The following RBFOX2 variants were observed in gnomAD, a reference collection of about 807,000 sequenced individuals.
The protein encoded by RBFOX2 is RNA binding fox-1 homolog 2, also known as RNA binding protein fox-1 homolog 2.
Under a neutral mutation model 49.1 loss-of-function variants are expected in RBFOX2, and 10 were observed. The observed-to-expected ratio is 0.20, with a 90% CI of 0.13 to 0.35. The LOEUF is 0.35. RBFOX2 is among the 10% of genes least tolerant of loss of function. The probability of loss-of-function intolerance (pLI) is 1.00; values close to 1 mark genes in which losing one functional copy is unlikely to be tolerated. For missense variants in RBFOX2, 323 were observed against 486.9 expected (o/e 0.66, Z 3.17); for synonymous variants, 183 against 187.4 (o/e 0.98, Z 0.19).
intron 1 of RBFOX2, among the ~76,000 whole-genome samples, chr22:36,027,705 ACT>A (rs910118867): frequency 6.6e-5 from 10 of 152,092 alleles, no homozygotes; most frequent in African/African-American, 2.2e-4. Flanking sequence ...TACTTCTCAC[ACT>A]CTGTGTGATT....
intron 1 of RBFOX2, among the ~76,000 whole-genome samples, chr22:36,009,766 AC>A (rs1028795645): frequency 5.3e-5 from 8 of 152,322 alleles, no homozygotes; most frequent in Admixed American, 5.2e-4. Flanking sequence ...AGTATCTATT[AC>A]CACAGAGCCA....
intron 1 of RBFOX2, among the ~76,000 whole-genome samples, chr22:35,835,833 A>C (rs1476891875): frequency 6.6e-6 from 1 of 152,212 alleles, no homozygotes; most frequent in African/African-American, 2.4e-5. Context: ...TTTTTAGAAA[A>C]GCAATACTTT....
chr22:35,778,553 G>A (rs922902054), intron 3 of RBFOX2, among the ~76,000 whole-genome samples: 1 of 151,828 alleles, frequency 6.6e-6, no homozygotes, highest in African/African-American at 2.4e-5. Context: ...TCCTATCATC[G>A]TAATGCTTTA....
At chr22:35,943,506 T>G (rs955855912), upstream of RBFOX2, among the ~76,000 whole-genome samples, 3 of 152,170 alleles carry the variant, frequency 2.0e-5, no homozygotes, top group Non-Finnish European at 4.4e-5. Flanking sequence ...GTAAGAATCT[T>G]TATTAACTAA....
At chr22:35,956,645 C>T (rs2055592586) in intron 1 of RBFOX2, among the ~76,000 whole-genome samples, 1 of 152,158 alleles carries the variant, frequency 6.6e-6, no homozygotes, top group African/African-American at 2.4e-5. Context: ...AGGTGTGAGC[C>T]ACTGCGCCTG....
chr22:35,792,870 A>T (rs1948036166), intron 2 of RBFOX2, among the ~76,000 whole-genome samples: 1 of 152,244 alleles, frequency 6.6e-6, no homozygotes, highest in Non-Finnish European at 1.5e-5. Flanking sequence ...AGTATCTCAA[A>T]AAACAAGAAC....
chr22:35,798,281 GT>G (rs1949143435), intron 2 of RBFOX2, among the ~76,000 whole-genome samples: 1 of 152,160 alleles, frequency 6.6e-6, no homozygotes, highest in Non-Finnish European at 1.5e-5. Flanking sequence ...GGCCTGTACT[GT>G]TTTTCTACTG....
At chr22:35,984,845 C>T (rs1031595480) in intron 1 of RBFOX2, among the ~76,000 whole-genome samples, 1 of 152,204 alleles carries the variant, frequency 6.6e-6, no homozygotes, top group Non-Finnish European at 1.5e-5. Context: ...TCCTATTCAT[C>T]TTTCAAAGCT....
chr22:35,934,101 A>G (rs2052765241), intron 1 of RBFOX2, among the ~76,000 whole-genome samples: 1 of 151,586 alleles, frequency 6.6e-6, no homozygotes, highest in Non-Finnish European at 1.5e-5. Context: ...AGGGAAAACC[A>G]TACAAATCTA....
chr22:35,819,747 T>A (rs1201527979), intron 1 of RBFOX2, among the ~76,000 whole-genome samples: 5 of 152,126 alleles, frequency 3.3e-5, no homozygotes, highest in Admixed American at 2.6e-4. Flanking sequence ...TACATTCTAG[T>A]AGGAAGAGAC....
At chr22:35,827,831 A>T (rs1199430428) in intron 1 of RBFOX2, among the ~76,000 whole-genome samples, 1 of 152,198 alleles carries the variant, frequency 6.6e-6, no homozygotes, top group African/African-American at 2.4e-5. Context: ...ATTTAAAAGT[A>T]TGTGTTCACT....
At chr22:35,811,508 C>A (rs1205583190) in intron 1 of RBFOX2, among the ~76,000 whole-genome samples, 1 of 152,040 alleles carries the variant, frequency 6.6e-6, no homozygotes, top group Non-Finnish European at 1.5e-5. Flanking sequence ...CTGCTGACAC[C>A]CTGATCTTGC....
At chr22:36,021,448 C>T (rs1435104509) in intron 1 of RBFOX2, among the ~76,000 whole-genome samples, 11 of 151,836 alleles carry the variant, frequency 7.2e-5, no homozygotes, top group East Asian at 3.9e-4. Flanking sequence ...ATATATCCTA[C>T]GGTCTCAGAT....
At chr22:36,023,681 C>T (rs964098089) in intron 1 of RBFOX2, among the ~76,000 whole-genome samples, 3 of 152,142 alleles carry the variant, frequency 2.0e-5, no homozygotes, top group African/African-American at 4.8e-5. Context: ...TTTCCAAGTA[C>T]TCTCTTTAAC....
intron 1 of RBFOX2, among the ~76,000 whole-genome samples, chr22:35,978,687 C>G (rs1183086072): frequency 1.3e-5 from 2 of 152,198 alleles, no homozygotes; most frequent in Non-Finnish European, 2.9e-5. Context: ...CAAGCTCCCT[C>G]AAGCTTGAGG....
chr22:36,000,003 A>AGATT (rs1556524915), intron 1 of RBFOX2: 1 of 89,762 alleles, frequency 1.1e-5, no homozygotes, highest in Non-Finnish European at 2.2e-5. Context: ...ATATATATAT[A>AGATT]TATTTTTTTT....
intron 2 of RBFOX2, among the ~76,000 whole-genome samples, chr22:35,784,977 C>T (rs1022419223): frequency 6.6e-6 from 1 of 152,160 alleles, no homozygotes; most frequent in Non-Finnish European, 1.5e-5. Context: ...GGTGGACATG[C>T]ATTTATTTAT....
At chr22:35,933,926 TTATATATATATA>T (rs3075245) in intron 1 of RBFOX2, among the ~76,000 whole-genome samples, 11,135 of 117,994 alleles carry the variant, frequency 0.094, 527 homozygotes, top group African/African-American at 0.12. Flanking sequence ...TAATTAAATG[TTATATATATATA>T]TATATATATA....
intron 1 of RBFOX2, among the ~76,000 whole-genome samples, chr22:35,904,976 T>C (rs2048972532): frequency 6.6e-6 from 1 of 152,228 alleles, no homozygotes; most frequent in Non-Finnish European, 1.5e-5. Flanking sequence ...GAAAGGTCTA[T>C]TAGACAGAGC....
Sources: gnomAD v4.1 joint callset for allele counts (sites outside exome capture counted in the v4.1 genomes callset) on GRCh38, gnomAD v4.1.1 for gene constraint, MANE v1.5 for transcripts, NCBI Gene and HGNC (gene_info 2026-07-23, HGNC 2026-07-21) for gene names.